The following ROBO2 variants were observed in gnomAD, a reference collection of about 807,000 sequenced individuals.
The protein encoded by ROBO2 is roundabout homolog 2.
Under a neutral mutation model 160.8 loss-of-function variants are expected in ROBO2, and 53 were observed. The ratio of observed to expected loss-of-function variants is 0.33; its 90% CI spans 0.26 to 0.41. The LOEUF is 0.41. ROBO2 is among the 10% of genes least tolerant of loss of function. The pLI, the probability that ROBO2 is intolerant of heterozygous loss-of-function variation, is 1.00. For missense variants in ROBO2, 1,577 were observed against 1,722.4 expected (o/e 0.92, Z 1.49); for synonymous variants, 664 against 611.7 (o/e 1.09, Z -1.26).
chr3:77,374,927 T>C (rs1434284774), intron 2 of ROBO2, among the ~76,000 whole-genome samples: 5 of 152,190 alleles, frequency 3.3e-5, no homozygotes, highest in African/African-American at 1.2e-4. Context: ...ATATGAATGG[T>C]GCTGGGCATG....
chr3:76,323,511 T>G (rs1369381160), intron 2 of ROBO2, among the ~76,000 whole-genome samples: 2 of 152,168 alleles, frequency 1.3e-5, no homozygotes, highest in Non-Finnish European at 2.9e-5. Context: ...AGTCTATGAT[T>G]AAGAGGTATT....
chr3:77,547,688 C>A (rs2092751835), intron 7 of ROBO2, among the ~76,000 whole-genome samples: 2 of 152,018 alleles, frequency 1.3e-5, no homozygotes, highest in African/African-American at 4.8e-5. Context: ...CCTCACTCAG[C>A]TCTCCTTGGT....
intron 9 of ROBO2, among the ~76,000 whole-genome samples, chr3:77,558,697 T>C (rs2093219024): frequency 6.6e-6 from 1 of 152,004 alleles, no homozygotes; most frequent in African/African-American, 2.4e-5. Context: ...TTTACTGACG[T>C]TTACATGATA....
chr3:76,037,028 C>T (rs1003218671), intron 2 of ROBO2, among the ~76,000 whole-genome samples: 5 of 151,866 alleles, frequency 3.3e-5, no homozygotes, highest in East Asian at 1.9e-4. Flanking sequence ...CTTCTGATTT[C>T]GACTCCCTAT....
At chr3:76,424,705 T>C (rs1344277052) in intron 2 of ROBO2, among the ~76,000 whole-genome samples, 3 of 152,194 alleles carry the variant, frequency 2.0e-5, no homozygotes, top group African/African-American at 7.2e-5. Flanking sequence ...AGGACATCTT[T>C]GGAGTTGATG....
At chr3:77,572,335 T>C (rs1465015902) in intron 13 of ROBO2, among the ~76,000 whole-genome samples, 4 of 152,000 alleles carry the variant, frequency 2.6e-5, no homozygotes, top group Admixed American at 6.6e-5. Context: ...AAGTCATCTC[T>C]CTTTGGCTCT....
intron 2 of ROBO2, among the ~76,000 whole-genome samples, chr3:75,958,310 A>G (rs1417028373): frequency 6.6e-6 from 1 of 151,742 alleles, no homozygotes; most frequent in African/African-American, 2.4e-5. Context: ...CATTTATTTC[A>G]CAAACATTCA....
intron 2 of ROBO2, among the ~76,000 whole-genome samples, chr3:77,227,274 A>T (rs1006362502): frequency 6.6e-6 from 1 of 152,292 alleles, no homozygotes. Flanking sequence ...CAGTTAAAAC[A>T]TATGTCTTTA....
At chr3:76,273,430 C>G (rs964586773) in intron 2 of ROBO2, among the ~76,000 whole-genome samples, 1 of 151,960 alleles carries the variant, frequency 6.6e-6, no homozygotes, top group Non-Finnish European at 1.5e-5. Context: ...TCTGCTCTCA[C>G]ACTGCTATAA....
chr3:77,540,478 AT>A (rs1413551821), intron 6 of ROBO2, among the ~76,000 whole-genome samples: 1 of 151,112 alleles, frequency 6.6e-6, no homozygotes, highest in East Asian at 2.0e-4. Flanking sequence ...AGAAAGCTGT[AT>A]TTCTTGCATG....
At chr3:76,857,031 G>T (rs1177124045) in intron 2 of ROBO2, among the ~76,000 whole-genome samples, 1 of 152,104 alleles carries the variant, frequency 6.6e-6, no homozygotes, top group African/African-American at 2.4e-5. Flanking sequence ...TGTTGCCCAG[G>T]CTGGAGTGCA....
At chr3:76,153,758 C>G (rs1303135666) in intron 2 of ROBO2, among the ~76,000 whole-genome samples, 6 of 152,082 alleles carry the variant, frequency 3.9e-5, no homozygotes, top group African/African-American at 1.2e-4. Context: ...ATCTAGAACT[C>G]AAGCTTCTAA....
At chr3:76,835,235 A>G (rs1262235307) in intron 2 of ROBO2, among the ~76,000 whole-genome samples, 1 of 151,538 alleles carries the variant, frequency 6.6e-6, no homozygotes, top group African/African-American at 2.4e-5. Flanking sequence ...TACGACTTGA[A>G]AAGTTGCTTT....
chr3:77,545,534 C>T (rs2092665452), intron 6 of ROBO2, among the ~76,000 whole-genome samples: 1 of 152,072 alleles, frequency 6.6e-6, no homozygotes. Flanking sequence ...ATTGCACTTA[C>T]CACAGTCTTA....
At chr3:77,278,822 T>C (rs1253338110) in intron 2 of ROBO2, among the ~76,000 whole-genome samples, 6 of 152,010 alleles carry the variant, frequency 3.9e-5, no homozygotes, top group Non-Finnish European at 5.9e-5. Context: ...AAAAATAAAA[T>C]AGCCACCAGG....
At chr3:77,000,414 T>TTTATC (rs2061277452) in intron 2 of ROBO2, among the ~76,000 whole-genome samples, 2 of 152,276 alleles carry the variant, frequency 1.3e-5, no homozygotes, top group Admixed American at 1.3e-4. Flanking sequence ...TCTCCCTCAG[T>TTTATC]TTATCTCCTT....
At chr3:76,020,983 T>C (rs60282647) in intron 2 of ROBO2, among the ~76,000 whole-genome samples, 2,614 of 151,986 alleles carry the variant, frequency 0.017, 69 homozygotes, top group African/African-American at 0.059. Context: ...CCTTTACTTA[T>C]GTTTTACTGA....
At chr3:76,822,603 A>G (rs1469851730) in intron 2 of ROBO2, among the ~76,000 whole-genome samples, 1 of 151,902 alleles carries the variant, frequency 6.6e-6, no homozygotes, top group Non-Finnish European at 1.5e-5. Context: ...CAACTTACAG[A>G]AAATAATTGA....
chr3:77,027,255 C>A (rs966894307), intron 2 of ROBO2, among the ~76,000 whole-genome samples: 3 of 152,138 alleles, frequency 2.0e-5, no homozygotes, highest in African/African-American at 7.2e-5. Flanking sequence ...ATGACAACAT[C>A]ATATTACAAA....
Sources: gnomAD v4.1 joint callset for allele counts (sites outside exome capture counted in the v4.1 genomes callset) on GRCh38, gnomAD v4.1.1 for gene constraint, MANE v1.5 for transcripts, NCBI Gene and HGNC (gene_info 2026-07-23, HGNC 2026-07-21) for gene names.